AGPAT4: variants seen among roughly 807,000 people sequenced by gnomAD.
AGPAT4 encodes the protein 1-acyl-sn-glycerol-3-phosphate acyltransferase delta.
A neutral mutation model predicts 48.0 loss-of-function variants in AGPAT4; 15 were observed. That is an observed-to-expected ratio of 0.31 (90% CI 0.21 to 0.48). The LOEUF (loss-of-function observed/expected upper bound fraction) is 0.48. AGPAT4 is among the 20% of genes least tolerant of loss of function. The probability of loss-of-function intolerance (pLI) is 0.99; values close to 1 mark genes in which losing one functional copy is unlikely to be tolerated. For synonymous variants in AGPAT4, 178 were observed against 198.7 expected (o/e 0.90, Z 0.88); for missense variants, 314 against 482.5 (o/e 0.65, Z 3.27).
intron 2 of AGPAT4, among the ~76,000 whole-genome samples, chr6:161,205,950 G>GT (rs1007852750): frequency 6.6e-6 from 1 of 151,986 alleles, no homozygotes; most frequent in Non-Finnish European, 1.5e-5. Context: ...TAAAATAAAC[G>GT]TAAGAGACTC....
At position 161,154,081 on chromosome 6, in the gene AGPAT4, A is replaced by C; in HGVS notation, c.510+68T>G. On this transcript the variant is annotated intron_variant, in intron 4 of 8. Coordinates refer to ENST00000320285, the MANE Select transcript of AGPAT4 (RefSeq NM_020133.3). The surrounding 1 kb of genome is among the most constrained non-coding windows in gnomAD (Gnocchi z 7.8). ...CACAGTCACGTGTCCTGTGGAAGTC[A>C]CATGGGGGTCCCACGGTCACAGTCC... The C allele has an allele frequency of 6.2e-7, 1 of 1,605,356 alleles. No homozygotes were observed. The highest frequency in any genetic ancestry group is 1.7e-4 in the Middle Eastern group (1 of 6,040).
In AGPAT4 at chr6:161,184,372, T is replaced by C. The variant is rs1780704140; in HGVS notation, c.179-17955A>G. On this transcript the variant is annotated intron_variant, in intron 2 of 8. Coordinates refer to ENST00000320285, the MANE Select transcript of AGPAT4 (RefSeq NM_020133.3). This position sits in a 1 kb window ranked among gnomAD's most constrained non-coding sequence, Gnocchi z 4.8. The stretch of plus-strand genomic sequence containing the variant: ...TTCAGGAGTGAAGCTAAGGTTTTTG[T>C]CCTGAATAGCTGGGGAAGGACTTGC... 6.6e-6 allele frequency among the ~76,000 whole-genome samples: 1 copy of C among 151,908 alleles called. No individual in the cohort carries two copies. Among genetic ancestry groups the C allele is most frequent in the South Asian group, 2.1e-4 (1 of 4,792 alleles).
intron 2 of AGPAT4, among the ~76,000 whole-genome samples, chr6:161,213,252 C>A (rs1781564366): frequency 6.6e-6 from 1 of 152,124 alleles, no homozygotes; most frequent in Non-Finnish European, 1.5e-5. Flanking sequence ...AATTTAAAAG[C>A]CTTTGTAAAA....
rs553980215 is a variant in AGPAT4, at chr6:161,136,576, G to A, written c.1101C>T (p.Tyr367=). 45 of 1,614,172 alleles carry A rather than the reference G, an allele frequency of 2.8e-5. No individual in the cohort carries two copies. The Middle Eastern group carries it at 4.9e-4, about 18-fold the overall frequency. ...GVTEIDKGSA[Y]GNSDSKQKLN... ...GTTTCTGCTTGCTGTCAGAGTTGCC[G>A]TAGGCAGAGCCCTTGTCAATTTCCG... is the stretch of plus-strand genomic sequence containing the variant. Residue 367 remains tyrosine (Y), a synonymous_variant, in exon 9 of 9, where the codon TAC becomes TAT. Transcript: ENST00000320285.
intron 2 of AGPAT4, among the ~76,000 whole-genome samples, chr6:161,228,571 C>A (rs936886069): frequency 7.9e-6 from 1 of 126,616 alleles, no homozygotes; most frequent in Non-Finnish European, 1.6e-5. Context: ...TTCCCACCCC[C>A]TGCCTTTTTT....
Position 161,235,580 on chromosome 6 carries a change from G to C in AGPAT4, c.-89-3278C>G, listed in dbSNP as rs1172685895. Among the ~76,000 whole-genome samples the C allele has an allele frequency of 6.6e-6, 1 of 152,162 alleles. No individual in the cohort carries two copies. The highest frequency in any genetic ancestry group is 2.4e-5 in the African/African-American group (1 of 41,426). On this transcript the variant is annotated intron_variant, in intron 1 of 8. Transcript: ENST00000320285. The surrounding 1 kb of genome is among the most constrained non-coding windows in gnomAD (Gnocchi z 6.2). ...GAGACTGGACAATTTATAAAGAAAA[G>C]AGGTTTAATTGGCTCATGGTTCTGC...
Position 161,136,566 on chromosome 6 carries a change from CAG to C in AGPAT4, c.1109_1110del (p.Ser370Ter), listed in dbSNP as rs1562307166. 6.2e-7 allele frequency: 1 copy of C among 1,614,194 alleles called. No individual in the cohort carries two copies. Among genetic ancestry groups the C allele is most frequent in the East Asian group, 2.2e-5 (1 of 44,870 alleles). On this transcript the variant is annotated frameshift_variant, in exon 9 of 9. Coordinates refer to ENST00000320285, the MANE Select transcript of AGPAT4 (RefSeq NM_020133.3). LOFTEE classifies it high-confidence loss of function. ...EIDKGSAYGN[S>X]DSKQKLND ...CAGTCATTCAGTTTCTGCTTGCTGT[CAG>C]AGTTGCCGTAGGCAGAGCCCTTGTC...
intron 2 of AGPAT4, among the ~76,000 whole-genome samples, chr6:161,190,529 C>T (rs1030372230): frequency 1.3e-5 from 2 of 149,978 alleles, no homozygotes; most frequent in Non-Finnish European, 2.9e-5. Flanking sequence ...CTGGTTTTAG[C>T]TATCTGTGGC....
rs561201370 is a variant in AGPAT4, at chr6:161,233,207, A to G, written c.-89-905T>C. Among the ~76,000 whole-genome samples, 2 of 152,212 alleles carry G rather than the reference A, an allele frequency of 1.3e-5. No individual in the cohort carries two copies. Among genetic ancestry groups the G allele is most frequent in the East Asian group, 1.9e-4 (1 of 5,172 alleles). On this transcript the variant is annotated intron_variant, in intron 1 of 8. Coordinates refer to ENST00000320285, the MANE Select transcript of AGPAT4 (RefSeq NM_020133.3). This position sits in a 1 kb window ranked among gnomAD's most constrained non-coding sequence, Gnocchi z 5.4. ...AAACTCAACACATACATACAGTTAG[A>G]CTCACAGTCCTGTAATCAGTCTCCA... is the stretch of plus-strand genomic sequence containing the variant.
rs779048783 is a variant in AGPAT4, at chr6:161,161,021, C to G, written c.348+5227G>C. On this transcript the variant is annotated intron_variant, in intron 3 of 8. Coordinates refer to ENST00000320285, the MANE Select transcript of AGPAT4 (RefSeq NM_020133.3). The surrounding 1 kb of genome is among the most constrained non-coding windows in gnomAD (Gnocchi z 4.6). Reference sequence around the variant, plus strand: ...ATCAGAGGGCCCTAAGCACAGAGCACGAAAGGGGGACAGTTCATGGGATGA... The same window carrying G: ...ATCAGAGGGCCCTAAGCACAGAGCAGGAAAGGGGGACAGTTCATGGGATGA... 2.2e-6 allele frequency: 1 copy of G among 456,548 alleles called. No individual in the cohort carries two copies. The highest frequency in any genetic ancestry group is 4.4e-6 in the Non-Finnish European group (1 of 226,904). 28.3% of individuals were successfully genotyped at this position (456,548 alleles called of 1,614,324 possible). A position where few individuals can be genotyped will look rare whatever the true frequency, so the allele number is the denominator to read the frequency against.
chr6:161,172,219 G>A (rs559878387), intron 2 of AGPAT4, among the ~76,000 whole-genome samples: 60 of 152,318 alleles, frequency 3.9e-4, no homozygotes, highest in Non-Finnish European at 7.5e-4. Flanking sequence ...GCACTAAGAG[G>A]AACCCTCAGT....
chr6:161,269,360 C>A (rs1783359201), intron 1 of AGPAT4, among the ~76,000 whole-genome samples: 1 of 152,226 alleles, frequency 6.6e-6, no homozygotes, highest in East Asian at 1.9e-4. Context: ...GGACAACAGT[C>A]AACAGCTAAC....
intron 4 of AGPAT4, among the ~76,000 whole-genome samples, chr6:161,153,798 TAGCCCTGGGGTCACACAC>T (rs1245812206): frequency 7.3e-4 from 43 of 59,024 alleles, no homozygotes; most frequent in Non-Finnish European, 1.4e-3. Context: ...AGGTCACACA[TAGCCCTGGGGTCACACAC>T]AGCCCTGGGG....
chr6:161,157,352 G>A (rs1477140824), intron 3 of AGPAT4, among the ~76,000 whole-genome samples: 7 of 152,156 alleles, frequency 4.6e-5, no homozygotes, highest in Non-Finnish European at 7.3e-5. Context: ...TGCTCTTGTC[G>A]CACAGGCTGG....
chr6:161,164,208 C>T lies in AGPAT4; in HGVS notation c.348+2040G>A, dbSNP rs1218553552. ...TTCCCGCTCCGTGAATGTCTCTTCC[C>T]GTCTGGGGGCTATGTCCTCTCTCTG... On this transcript the variant is annotated intron_variant, in intron 3 of 8. Transcript: ENST00000320285. This position sits in a 1 kb window ranked among gnomAD's most constrained non-coding sequence, Gnocchi z 7.4. Among the ~76,000 whole-genome samples the T allele has an allele frequency of 7.9e-5, 12 of 152,180 alleles. No homozygotes were observed. The highest frequency in any genetic ancestry group is 5.2e-4 in the Admixed American group (8 of 15,288).
At position 161,153,327 on chromosome 6, in the gene AGPAT4, G is replaced by A. The variant is rs776397070; in HGVS notation, c.664+19C>T. On this transcript the variant is annotated intron_variant, in intron 5 of 8. Transcript: ENST00000320285. ...CCTCGCTGCCACGGGGAGGCCCAGG[G>A]CCACGCACTCTTCCTTACCTACATT... 8.8e-6 allele frequency: 14 copies of A among 1,597,344 alleles called. No individual in the cohort carries two copies. Among genetic ancestry groups the A allele is most frequent in the African/African-American group, 1.3e-5 (1 of 74,526 alleles).
At chr6:161,273,780 C>A (rs1783505771) in intron 1 of AGPAT4, among the ~76,000 whole-genome samples, 158 bp downstream of exon 1, 1 of 134,452 alleles carries the variant, frequency 7.4e-6, no homozygotes, top group South Asian at 2.4e-4. Context: ...ACCTTTCCCC[C>A]GCCCGCCTTG....
rs1780492637 is a variant in AGPAT4, at chr6:161,178,537, T to A, written c.179-12120A>T. ...TTTCCAGGTGCCGTCTGTCACCGCT[T>A]CCCTTGGCTAGGAAAGGGAATTCCC... On this transcript the variant is annotated intron_variant, in intron 2 of 8. Coordinates refer to ENST00000320285, the MANE Select transcript of AGPAT4 (RefSeq NM_020133.3). The surrounding 1 kb of genome is among the most constrained non-coding windows in gnomAD (Gnocchi z 5.1). Among the ~76,000 whole-genome samples the A allele has an allele frequency of 6.6e-6, 1 of 152,146 alleles. No homozygotes were observed. The highest frequency in any genetic ancestry group is 1.5e-5 in the Non-Finnish European group (1 of 68,022).
chr6:161,256,602 C>A (rs3757031), intron 1 of AGPAT4, among the ~76,000 whole-genome samples: 1 of 152,030 alleles, frequency 6.6e-6, no homozygotes. Flanking sequence ...GATAGCCACA[C>A]AGCGGAGCTG....
Sources: allele counts gnomAD v4.1 joint callset (sites outside exome capture counted in the v4.1 genomes callset), GRCh38; gene constraint gnomAD v4.1.1; non-coding constraint Gnocchi (gnomAD v3.1); transcripts MANE v1.5; gene names NCBI Gene and HGNC (gene_info 2026-07-23, HGNC 2026-07-21).